ACYP2: variants seen among roughly 807,000 people sequenced by gnomAD.
ACYP2 encodes the protein acylphosphatase-2.
ACYP2 carries 12 observed loss-of-function variants against 11.2 expected under a neutral mutation model. The ratio of observed to expected loss-of-function variants is 1.08; its 90% CI spans 0.69 to 1.74. ACYP2 has a LOEUF of 1.74. ACYP2 is among the 40% of genes most tolerant of loss of function. The probability of loss-of-function intolerance (pLI) is 0.00; values close to 1 mark genes in which losing one functional copy is unlikely to be tolerated. For missense variants in ACYP2, 134 were observed against 101.9 expected (o/e 1.31, Z -1.35); for synonymous variants, 43 against 32.2 (o/e 1.33, Z -1.13).
At chr2:53,986,609 C>G (rs1364176166) in intron 2 of ACYP2, among the ~76,000 whole-genome samples, 3 of 146,208 alleles carry the variant, frequency 2.1e-5, no homozygotes, top group Admixed American at 7.0e-5. Flanking sequence ...GAATTACAGG[C>G]GTGAGCCACC....
intron 6 of ACYP2, among the ~76,000 whole-genome samples, chr2:54,190,439 C>T (rs1036338823): frequency 1.3e-5 from 2 of 152,060 alleles, no homozygotes; most frequent in African/African-American, 2.4e-5. Flanking sequence ...ACTAATCCAC[C>T]GATACTGCTC....
At chr2:54,282,879 G>GT (rs1372784488) in intron 6 of ACYP2, among the ~76,000 whole-genome samples, 1 of 152,178 alleles carries the variant, frequency 6.6e-6, no homozygotes, top group African/African-American at 2.4e-5. Flanking sequence ...CCTTCAAAGA[G>GT]TGGCCATATC....
chr2:54,279,931 C>T (rs1409611011), intron 6 of ACYP2, among the ~76,000 whole-genome samples: 1 of 152,078 alleles, frequency 6.6e-6, no homozygotes, highest in Non-Finnish European at 1.5e-5. Flanking sequence ...TTGTTAAATG[C>T]TTTGGATTTG....
At chr2:54,093,043 C>T (rs577570827) in intron 4 of ACYP2, among the ~76,000 whole-genome samples, 13 of 152,248 alleles carry the variant, frequency 8.5e-5, no homozygotes, top group Admixed American at 3.9e-4. Flanking sequence ...CTTCTATTGT[C>T]GACTGCACAG....
intron 6 of ACYP2, among the ~76,000 whole-genome samples, chr2:54,243,450 C>G (rs1686816584): frequency 6.6e-6 from 1 of 152,154 alleles, no homozygotes; most frequent in African/African-American, 2.4e-5. Context: ...TCCTATGGGA[C>G]CATTGTCATA....
intron 6 of ACYP2, among the ~76,000 whole-genome samples, chr2:54,298,680 A>T (rs1689611864): frequency 6.6e-6 from 1 of 152,234 alleles, no homozygotes; most frequent in Non-Finnish European, 1.5e-5. Flanking sequence ...ACTGATTCCA[A>T]ATCTGCTTAC....
chr2:54,103,782 G>A (rs1039629080), intron 4 of ACYP2, among the ~76,000 whole-genome samples: 1 of 152,200 alleles, frequency 6.6e-6, no homozygotes, highest in African/African-American at 2.4e-5. Context: ...TTAAATATCA[G>A]AGGATCTTTA....
intron 6 of ACYP2, among the ~76,000 whole-genome samples, chr2:54,161,567 T>C (rs528889414): frequency 2.6e-5 from 4 of 152,228 alleles, no homozygotes; most frequent in African/African-American, 9.6e-5. Flanking sequence ...TTAAAAACTT[T>C]TGTGGCTACA....
rs1288726187 is a variant in ACYP2, at chr2:54,159,388, T to C, written c.404+20640T>C. ...TTTAGGATGCTTTTTTTTTTTTTTTTAATGAGACAGGGTCTGACTATGTTG... is the reference window on the plus strand; with the variant it reads ...TTTAGGATGCTTTTTTTTTTTTTTTCAATGAGACAGGGTCTGACTATGTTG... On this transcript the variant is annotated intron_variant, in intron 6 of 6. Transcript: ENST00000607452. Among the ~76,000 whole-genome samples, 5 of 150,702 alleles carry C rather than the reference T, an allele frequency of 3.3e-5. No individual in the cohort carries two copies. The South Asian group carries it at 1.1e-3, about 32-fold the overall frequency.
chr2:54,115,341 CT>C (rs990756233), intron 4 of ACYP2: 15 of 502,872 alleles, frequency 3.0e-5, no homozygotes, highest in Non-Finnish European at 4.1e-5. Flanking sequence ...GGAAGCCACT[CT>C]TTTTTTGGGC....
chr2:53,987,025 A>G (rs1672069769), intron 2 of ACYP2, among the ~76,000 whole-genome samples: 2 of 152,242 alleles, frequency 1.3e-5, no homozygotes, highest in South Asian at 4.1e-4. Flanking sequence ...AAAATGCACA[A>G]ATACATGCAA....
At chr2:54,142,207 G>C (rs989293126) in intron 6 of ACYP2, 2 of 294,006 alleles carry the variant, frequency 6.8e-6, no homozygotes, top group African/African-American at 2.2e-5. Flanking sequence ...TGTGAAGATA[G>C]TACAGAGACT....
intron 2 of ACYP2, among the ~76,000 whole-genome samples, chr2:54,016,721 G>C (rs572036894): frequency 1.7e-3 from 243 of 139,772 alleles, no homozygotes; most frequent in African/African-American, 6.9e-3. Flanking sequence ...CCTGCCTTCA[G>C]TGTCTTTTTT....
intron 4 of ACYP2, among the ~76,000 whole-genome samples, chr2:54,134,878 T>G (rs1681130807): frequency 1.3e-5 from 2 of 152,146 alleles, no homozygotes; most frequent in Non-Finnish European, 2.9e-5. Context: ...CAATTTGAGG[T>G]ATAACAGCAA....
At chr2:54,019,612 A>T (rs1320620415) in intron 2 of ACYP2, among the ~76,000 whole-genome samples, 1 of 148,480 alleles carries the variant, frequency 6.7e-6, no homozygotes, top group Non-Finnish European at 1.5e-5. Context: ...CTGTGCTTTT[A>T]TTATTATTAT....
intron 2 of ACYP2, among the ~76,000 whole-genome samples, chr2:53,981,780 G>T (rs1346167519): frequency 6.6e-6 from 1 of 152,076 alleles, no homozygotes; most frequent in Non-Finnish European, 1.5e-5. Context: ...TATAGCCAAG[G>T]TGTATAATAG....
In ACYP2 at chr2:54,295,991, C is replaced by T. The variant is rs114032514; in HGVS notation, c.405-8697C>T. Among the ~76,000 whole-genome samples the T allele has an allele frequency of 3.0e-3, 457 of 152,096 alleles. 4 individuals carry two copies. The highest frequency in any genetic ancestry group is 0.01 in the African/African-American group (430 of 41,472). On this transcript the variant is annotated intron_variant, in intron 6 of 6. Transcript: ENST00000607452. ...AGCCAGGATGGTCTCGCATTCCTGG[C>T]CTCAAGTGATCTGCCACTTCCACTT...
chr2:54,011,262 C>G (rs1482981150), intron 2 of ACYP2, among the ~76,000 whole-genome samples: 1 of 152,150 alleles, frequency 6.6e-6, no homozygotes, highest in African/African-American at 2.4e-5. Flanking sequence ...AGCTCCTTTT[C>G]TGTTTTTCAT....
At chr2:54,070,341 T>A (rs184599626) in intron 4 of ACYP2, among the ~76,000 whole-genome samples, 1 of 152,028 alleles carries the variant, frequency 6.6e-6, no homozygotes, top group African/African-American at 2.4e-5. Flanking sequence ...CCAGTCATAA[T>A]TGACAAAATG....
Sources: allele counts gnomAD v4.1 joint callset (sites outside exome capture counted in the v4.1 genomes callset), GRCh38; gene constraint gnomAD v4.1.1; transcripts MANE v1.5; gene names NCBI Gene and HGNC (gene_info 2026-07-23, HGNC 2026-07-21).